The following RIC8A variants were observed in gnomAD, a reference collection of about 807,000 sequenced individuals.
RIC8A encodes the protein RIC8 guanine nucleotide exchange factor A.
A neutral mutation model predicts 48.4 loss-of-function variants in RIC8A; 37 were observed. That is an observed-to-expected ratio of 0.77 (90% CI 0.59 to 1.01). The LOEUF (loss-of-function observed/expected upper bound fraction) is 1.01. Among genes scored for constraint, RIC8A ranks in the 50% least tolerant of loss-of-function variants. RIC8A has a pLI of 0.00. For missense variants in RIC8A, 681 were observed against 696.8 expected, an observed-to-expected ratio of 0.98 and a Z score of 0.25; for synonymous variants, 288 against 283.4, an observed-to-expected ratio of 1.02 and a Z score of -0.16.
Position 211,473 on chromosome 11 carries a change from T to G in RIC8A, c.969+124T>G. The G allele has an allele frequency of 9.3e-7, 1 of 1,074,228 alleles. No homozygotes were observed. Among genetic ancestry groups the G allele is most frequent in the Non-Finnish European group, 1.3e-6 (1 of 766,160 alleles). The allele number at this position is 1,074,228 out of a possible 1,614,324, so 66.5% of individuals were successfully genotyped here. A position where few individuals can be genotyped will look rare whatever the true frequency, so the allele number is the denominator to read the frequency against. Reference sequence around the variant, plus strand: ...TGGAGATTGTCTTGGTGGTGTGATATGGGCGACTCTTCCGGTTGTTCTGTG... The same window carrying G: ...TGGAGATTGTCTTGGTGGTGTGATAGGGGCGACTCTTCCGGTTGTTCTGTG... On this transcript the variant is annotated intron_variant, in intron 5 of 9. Coordinates refer to ENST00000526104, the MANE Select transcript of RIC8A (RefSeq NM_001286134.2). The surrounding 1 kb of genome is among the most constrained non-coding windows in gnomAD (Gnocchi z 4.0).
intron 9 of RIC8A, 148 bp downstream of exon 9, chr11:213,566 T>A: frequency 6.4e-6 from 7 of 1,096,050 alleles, no homozygotes; most frequent in Non-Finnish European, 7.7e-6. Flanking sequence ...TCACTTGCCC[T>A]GGAGGAAATC....
rs368318462 is a variant in RIC8A, at chr11:214,493, C to T, written c.*143C>T. The T allele has an allele frequency of 5.0e-6, 5 of 1,007,130 alleles. No individual in the cohort carries two copies. The highest frequency in any genetic ancestry group is 3.0e-6 in the Non-Finnish European group (2 of 662,814). The allele number at this position is 1,007,130 out of a possible 1,614,324, so 62.4% of individuals were successfully genotyped here. On this transcript the variant is annotated 3_prime_UTR_variant, in exon 10 of 10. Transcript: ENST00000526104. ...CTTAGAAACCCCTTCTCTTGACTCC[C>T]GTTCTGTTCATGATTTGCCTCTGGT...
Position 210,656 on chromosome 11 carries a change from T to C in RIC8A, c.812T>C (p.Phe271Ser). Residue 271 changes from phenylalanine to serine, a missense_variant, in exon 4 of 10, where the codon TTC becomes TCC. By Grantham distance (155) the Phe-to-Ser change is radical. Coordinates refer to ENST00000526104, the MANE Select transcript of RIC8A (RefSeq NM_001286134.2). Reference sequence around the variant, plus strand: ...ACTGCTGGAGACCGCACAGAGGAGTTCCACGGGTGAGAATGGGGCTTTTTC... The same window carrying C: ...ACTGCTGGAGACCGCACAGAGGAGTCCCACGGGTGAGAATGGGGCTTTTTC... ...IATAGDRTEE[F>S]HGHAVNLLGN... 6.2e-7 allele frequency: 1 copy of C among 1,614,050 alleles called. No individual in the cohort carries two copies. The highest frequency in any genetic ancestry group is 8.5e-7 in the Non-Finnish European group (1 of 1,179,970).
At position 207,919 on chromosome 11, in the gene RIC8A, A is replaced by G. The variant is rs758374242; in HGVS notation, c.-936A>G. On this transcript the variant is annotated 5_prime_UTR_variant, in exon 1 of 10. It adds an upstream start codon to the 5' untranslated region. Coordinates refer to ENST00000526104, the MANE Select transcript of RIC8A (RefSeq NM_001286134.2). Reference sequence around the variant, plus strand: ...CCTGCGAGTGCGCGCCGCGTCGAATACAGCCGTACAGAACGCACTACAGGA... The same window carrying G: ...CCTGCGAGTGCGCGCCGCGTCGAATGCAGCCGTACAGAACGCACTACAGGA... 1.3e-5 allele frequency: 2 copies of G among 152,802 alleles called. No homozygotes were observed. The highest frequency in any genetic ancestry group is 4.8e-5 in the African/African-American group (2 of 41,460). The allele number at this position is 152,802 out of a possible 1,614,324, so 9.5% of individuals were successfully genotyped here.
chr11:208,823 G>A lies in RIC8A; in HGVS notation c.-32G>A, dbSNP rs1250946976. 6.3e-6 allele frequency: 10 copies of A among 1,587,354 alleles called. No individual in the cohort carries two copies. The East Asian group carries it at 2.0e-4, about 32-fold the overall frequency. On this transcript the variant is annotated 5_prime_UTR_variant, in exon 1 of 10. Transcript: ENST00000526104. This position sits in a 1 kb window ranked among gnomAD's most constrained non-coding sequence, Gnocchi z 4.8. ...GCGAACTGCGGCCCGGAACGGCTGA[G>A]GAAGGGCCCGTCCCGCCTTCCCCGG... is the stretch of plus-strand genomic sequence containing the variant.
At chr11:210,483 G>C (rs757862930) in intron 3 of RIC8A, 88 bp from the exon 4 acceptor site, 1 of 1,212,436 alleles carries the variant, frequency 8.2e-7, no homozygotes, top group Non-Finnish European at 1.2e-6. Context: ...TTGCCACACA[G>C]TCCTGGAGTG....
chr11:212,490 C>A lies in RIC8A; in HGVS notation c.1044C>A (p.Ala348=). The A allele has an allele frequency of 1.2e-6, 2 of 1,613,890 alleles. No individual in the cohort carries two copies. Among genetic ancestry groups the A allele is most frequent in the Non-Finnish European group, 1.7e-6 (2 of 1,179,922 alleles). The part of the protein sequence containing the change: ...LTECARMHRP[A]RKFLKAQVLP... ...AATGTGCCCGGATGCACCGCCCAGC[C>A]AGGAAGTTCCTGAAGGCCCAGGTAT... is the stretch of plus-strand genomic sequence containing the variant. Residue 348 remains alanine (A), a synonymous_variant, in exon 6 of 10, where the codon GCC becomes GCA. Transcript: ENST00000526104.
rs777360161 is a variant in RIC8A at position 209,883 on chromosome 11, TCCTGAAGGGAAC to T, written c.612_623del (p.Glu205_Pro208del). On this transcript the variant is annotated inframe_deletion, in exon 3 of 10. Coordinates refer to ENST00000526104, the MANE Select transcript of RIC8A (RefSeq NM_001286134.2). ...CACTGGAGCTGACGCTGGGGGTGAC[TCCTGAAGGGAAC>T]CCCCCACCCACGCTCCTTCCTTCCC... The T allele has an allele frequency of 6.3e-6, 10 of 1,599,964 alleles. No homozygotes were observed. The East Asian group carries it at 1.9e-4, about 30-fold the overall frequency.
At position 214,288 on chromosome 11, in the gene RIC8A, G is replaced by A; in HGVS notation, c.1534G>A (p.Asp512Asn). Residue 512 changes from aspartate (D) to asparagine (N), a missense_variant, in exon 10 of 10, where the codon GAT becomes AAT. Transcript: ENST00000526104. ...SPRGHLTSLQ[D>N]AMCETMEQQL... is the part of the protein sequence containing the mutation. ...CCGGGGTCATCTTACGTCCCTGCAG[G>A]ATGCCATGTGCGAGACTATGGAGCA... 6.2e-7 allele frequency: 1 copy of A among 1,613,614 alleles called. No individual in the cohort carries two copies. Among genetic ancestry groups the A allele is most frequent in the African/African-American group, 1.3e-5 (1 of 75,032 alleles).
intron 5 of RIC8A, chr11:212,080 G>T: frequency 1.2e-5 from 4 of 320,402 alleles, no homozygotes; most frequent in Non-Finnish European, 2.4e-5. Flanking sequence ...GGCAATGTGT[G>T]TGCGAGTCTA....
At chr11:209,226 G>C in intron 1 of RIC8A, 45 bp from the exon 2 acceptor site, 1 of 1,613,144 alleles carries the variant, frequency 6.2e-7, no homozygotes, top group Non-Finnish European at 8.5e-7. Context: ...AGCGGACGCG[G>C]ATCCTACCCC....
At position 213,334 on chromosome 11, in the gene RIC8A, C is replaced by A; in HGVS notation, c.1391C>A (p.Pro464Gln). The change falls in exon 9 of 10, where the codon CCG becomes CAG. Residue 464 changes from proline (P) to glutamine (Q), a missense_variant. Physicochemically the swap from Pro to Gln is moderately conservative, Grantham distance 76. Coordinates refer to ENST00000526104, the MANE Select transcript of RIC8A (RefSeq NM_001286134.2). ...NPVTGRVEEK[P>Q]PNPMEGMTEE... ...GTGACCGGGAGGGTGGAGGAGAAGC[C>A]GCCTAACCCTATGGAGGGCATGACA... 6.2e-7 allele frequency: 1 copy of A among 1,613,812 alleles called. No homozygotes were observed. The highest frequency in any genetic ancestry group is 8.5e-7 in the Non-Finnish European group (1 of 1,179,906).
chr11:207,862 T>C lies in RIC8A; in HGVS notation c.-993T>C, dbSNP rs572518201. ...GTGTGGTGGGGGCAGGGGTGCCTCC[T>C]CTGTCAAGTGGAGATCGGCGCCTCG... On this transcript the variant is annotated 5_prime_UTR_variant, in exon 1 of 10. Coordinates refer to ENST00000526104, the MANE Select transcript of RIC8A (RefSeq NM_001286134.2). 3.3e-5 allele frequency: 5 copies of C among 153,672 alleles called. No homozygotes were observed. In the South Asian group the frequency reaches 8.9e-4, roughly 27 times the overall value. 9.5% of individuals were successfully genotyped at this position (153,672 alleles called of 1,614,324 possible). A position where few individuals can be genotyped will look rare whatever the true frequency, so the allele number is the denominator to read the frequency against.
chr11:212,471 C>T lies in RIC8A; in HGVS notation c.1025C>T (p.Ala342Val). 2 of 1,613,928 alleles carry T rather than the reference C, an allele frequency of 1.2e-6. No homozygotes were observed. Among genetic ancestry groups the T allele is most frequent in the South Asian group, 1.1e-5 (1 of 91,040 alleles). Residue 342 changes from alanine to valine, a missense_variant, in exon 6 of 10, where the codon GCC becomes GTC. Coordinates refer to ENST00000526104, the MANE Select transcript of RIC8A (RefSeq NM_001286134.2). ...GTGCTGAGCGTGCTGACTGAATGTG[C>T]CCGGATGCACCGCCCAGCCAGGAAG... The part of the protein sequence containing the change: ...APVLSVLTEC[A>V]RMHRPARKFL...
chr11:213,737 G>T (rs1396818966), intron 9 of RIC8A: 10 of 272,412 alleles, frequency 3.7e-5, no homozygotes, highest in African/African-American at 2.3e-4. Flanking sequence ...AAGGTCAGGA[G>T]ATCGAGACCA....
At chr11:212,282 G>C in intron 5 of RIC8A, 134 bp from the exon 6 acceptor site, 2 of 809,076 alleles carry the variant, frequency 2.5e-6, no homozygotes, top group African/African-American at 3.4e-5. Flanking sequence ...CTGCAGAGGG[G>C]CCTCTTCCCA....
chr11:212,643 C>T lies in RIC8A; in HGVS notation c.1094C>T (p.Thr365Ile). The T allele has an allele frequency of 6.2e-7, 1 of 1,614,090 alleles. No individual in the cohort carries two copies. The highest frequency in any genetic ancestry group is 8.5e-7 in the Non-Finnish European group (1 of 1,180,002). ...CTGCCCCCTCTGCGGGATGTGAGGA[C>T]ACGGCCTGAGGTTGGGGAGATGCTG... ...QVLPPLRDVR[T>I]RPEVGEMLRN... The change falls in exon 7 of 10, where the codon ACA becomes ATA. Residue 365 changes from threonine to isoleucine, a missense_variant. Physicochemically the swap from Thr to Ile is moderately conservative, Grantham distance 89. Transcript: ENST00000526104.
chr11:209,932 C>T lies in RIC8A; in HGVS notation c.658C>T (p.Arg220Trp), dbSNP rs1285697762. Residue 220 changes from arginine to tryptophan, a missense_variant, in exon 3 of 10, where the codon CGG becomes TGG. Physicochemically the swap from Arg to Trp is moderately radical, Grantham distance 101. Coordinates refer to ENST00000526104, the MANE Select transcript of RIC8A (RefSeq NM_001286134.2). The stretch of plus-strand genomic sequence containing the variant: ...GCTCCTTCCTTCCCAAGAGACTGAG[C>T]GGGCCATGGAGATCCTCAAAGTGCT... ...PTLLPSQETE[R>W]AMEILKVLFN... 6.2e-7 allele frequency: 1 copy of T among 1,604,514 alleles called. No homozygotes were observed. The highest frequency in any genetic ancestry group is 1.7e-5 in the Admixed American group (1 of 60,018).
rs1349695364 is a variant in RIC8A, at chr11:208,808, G to A, written c.-47G>A. On this transcript the variant is annotated 5_prime_UTR_variant, in exon 1 of 10. Transcript: ENST00000526104. This position sits in a 1 kb window ranked among gnomAD's most constrained non-coding sequence, Gnocchi z 4.8. Reference sequence around the variant, plus strand: ...GCCAGGGCGGGGCCGGCGAACTGCGGCCCGGAACGGCTGAGGAAGGGCCCG... The same window carrying A: ...GCCAGGGCGGGGCCGGCGAACTGCGACCCGGAACGGCTGAGGAAGGGCCCG... The A allele has an allele frequency of 2.0e-6, 3 of 1,532,276 alleles. No homozygotes were observed. The African/African-American group carries it at 4.2e-5, about 21-fold the overall frequency. 94.9% of individuals were successfully genotyped at this position (1,532,276 alleles called of 1,614,324 possible). A position where few individuals can be genotyped will look rare whatever the true frequency, so the allele number is the denominator to read the frequency against.
Sources: gnomAD v4.1 joint callset for allele counts on GRCh38, gnomAD v4.1.1 for gene constraint, Gnocchi (gnomAD v3.1) non-coding constraint, MANE v1.5 for transcripts, NCBI Gene and HGNC (gene_info 2026-07-23, HGNC 2026-07-21) for gene names.